Variants in MTPN observed in about 807,000 individuals in gnomAD.
MTPN encodes the protein myotrophin, also known as granule cell differentiation protein.
Under a neutral mutation model 13.5 loss-of-function variants are expected in MTPN, and 2 were observed. That is an observed-to-expected ratio of 0.15 (90% CI 0.06 to 0.47). MTPN has a LOEUF of 0.47. MTPN is among the 20% of genes least tolerant of loss of function. The pLI is 0.97. For synonymous variants in MTPN, 46 were observed against 51.7 expected, an observed-to-expected ratio of 0.89 and a Z score of 0.48; for missense variants, 79 against 137.9, an observed-to-expected ratio of 0.57 and a Z score of 2.14.
At chr7:135,956,249 G>GC (rs1478091914) in intron 1 of MTPN, among the ~76,000 whole-genome samples, 5 of 152,142 alleles carry the variant, frequency 3.3e-5, no homozygotes, top group Non-Finnish European at 7.4e-5. Context: ...TTTCTTCCCT[G>GC]CCTCCGGCCT....
intron 1 of MTPN, among the ~76,000 whole-genome samples, chr7:135,958,486 C>T (rs1799477030): frequency 6.6e-6 from 1 of 152,120 alleles, no homozygotes; most frequent in Non-Finnish European, 1.5e-5. Flanking sequence ...TCTAATTCAG[C>T]CACCCATTCT....
At chr7:135,963,658 C>T (rs188353225) in intron 1 of MTPN, among the ~76,000 whole-genome samples, 7 of 152,070 alleles carry the variant, frequency 4.6e-5, no homozygotes, top group Non-Finnish European at 8.8e-5. Context: ...CTCTTGCTGA[C>T]GTCATCCTCC....
At chr7:135,972,254 C>G (rs961800544) in intron 1 of MTPN, among the ~76,000 whole-genome samples, 3 of 128,310 alleles carry the variant, frequency 2.3e-5, no homozygotes, top group Non-Finnish European at 3.6e-5. Flanking sequence ...CACACACACA[C>G]ACACACCCCA....
chr7:135,955,283 G>A (rs1003330767), intron 1 of MTPN, among the ~76,000 whole-genome samples: 6 of 152,010 alleles, frequency 3.9e-5, no homozygotes, highest in Non-Finnish European at 7.4e-5. Context: ...CAAGAGAAAA[G>A]AATAAAGATC....
At chr7:135,970,922 A>G (rs953275993) in intron 1 of MTPN, among the ~76,000 whole-genome samples, 1 of 152,208 alleles carries the variant, frequency 6.6e-6, no homozygotes, top group Non-Finnish European at 1.5e-5. Context: ...ATACATTTTT[A>G]TAAGAAAGAA....
chr7:135,957,289 G>A (rs1799456325), intron 1 of MTPN, among the ~76,000 whole-genome samples: 1 of 152,252 alleles, frequency 6.6e-6, no homozygotes, highest in South Asian at 2.1e-4. Context: ...AACCACCATA[G>A]AAACCATAAC....
At chr7:135,934,265 C>G (rs1799078518) in intron 3 of MTPN, among the ~76,000 whole-genome samples, 1 of 152,124 alleles carries the variant, frequency 6.6e-6, no homozygotes, top group Admixed American at 6.5e-5. Flanking sequence ...GTGCCAAGCA[C>G]ATAGGTTGGC....
intron 3 of MTPN, among the ~76,000 whole-genome samples, chr7:135,948,983 T>C (rs547374016): frequency 1.0e-3 from 157 of 152,172 alleles, no homozygotes; most frequent in Non-Finnish European, 1.8e-3. Context: ...TTTTGAGAGC[T>C]AGCAGATAGG....
chr7:135,969,607 T>C (rs1009276057), intron 1 of MTPN, among the ~76,000 whole-genome samples: 1 of 152,102 alleles, frequency 6.6e-6, no homozygotes, highest in Admixed American at 6.5e-5. Flanking sequence ...AAAAATGAAG[T>C]TCCAGAAGAG....
intron 3 of MTPN, among the ~76,000 whole-genome samples, chr7:135,942,217 T>A (rs1799225729): frequency 6.6e-6 from 1 of 152,054 alleles, no homozygotes; most frequent in African/African-American, 2.4e-5. Context: ...AGGTGGTACA[T>A]CCTAAGTTTC....
intron 1 of MTPN, among the ~76,000 whole-genome samples, chr7:135,961,290 T>C (rs1799517996): frequency 6.7e-6 from 1 of 150,090 alleles, no homozygotes; most frequent in Non-Finnish European, 1.5e-5. Context: ...AAGAACTCAC[T>C]GTATTGTAGG....
At chr7:135,946,832 C>A (rs1799295230) in intron 3 of MTPN, among the ~76,000 whole-genome samples, 1 of 152,190 alleles carries the variant, frequency 6.6e-6, no homozygotes. Flanking sequence ...CTTGGCCTCT[C>A]CACAGACTGC....
rs984377257 is a variant in MTPN, at chr7:135,929,200, T to C, written c.*726A>G. 1.2e-5 allele frequency: 2 copies of C among 167,040 alleles called. No homozygotes were observed. The highest frequency in any genetic ancestry group is 2.1e-4 in the South Asian group (1 of 4,830). 10.3% of individuals were successfully genotyped at this position (167,040 alleles called of 1,614,324 possible). On this transcript the variant is annotated 3_prime_UTR_variant, in exon 4 of 4. Coordinates refer to ENST00000393085, the MANE Select transcript of MTPN (RefSeq NM_145808.4). ...CTAGAGGAGAAAAAAATATGCATAC[T>C]GGAATGGTTTCTCCTTTAGACTTCC...
chr7:135,954,209 A>T (rs765605036), intron 1 of MTPN, among the ~76,000 whole-genome samples: 1 of 152,252 alleles, frequency 6.6e-6, no homozygotes, highest in Non-Finnish European at 1.5e-5. Context: ...CACATTGTTT[A>T]ACAAATGTTT....
intron 3 of MTPN, among the ~76,000 whole-genome samples, chr7:135,939,915 G>A (rs750933619): frequency 6.6e-6 from 1 of 152,046 alleles, no homozygotes. Flanking sequence ...ATTCACATCT[G>A]GGTCATAGTA....
Position 135,928,000 on chromosome 7 carries a change from A to G in MTPN, c.*1926T>C. 3.7e-6 allele frequency: 1 copy of G among 270,472 alleles called. No individual in the cohort carries two copies. 16.8% of individuals were successfully genotyped at this position (270,472 alleles called of 1,614,324 possible). A position where few individuals can be genotyped will look rare whatever the true frequency, so the allele number is the denominator to read the frequency against. On this transcript the variant is annotated 3_prime_UTR_variant, in exon 4 of 4. Transcript: ENST00000393085. ...AGCATTATGTCAAGAGGTGAAAACA[A>G]AGGTATCAAAACACCCTGTTGCACT...
At chr7:135,937,631 A>T (rs1182111099) in intron 3 of MTPN, among the ~76,000 whole-genome samples, 1 of 152,222 alleles carries the variant, frequency 6.6e-6, no homozygotes, top group Non-Finnish European at 1.5e-5. Flanking sequence ...CTATATAAAT[A>T]CACTTGACCC....
chr7:135,936,241 T>A (rs1489201321), intron 3 of MTPN, among the ~76,000 whole-genome samples: 3 of 152,142 alleles, frequency 2.0e-5, no homozygotes, highest in African/African-American at 7.2e-5. Context: ...TGTCAACACT[T>A]TGGGAGGCCA....
At chr7:135,957,189 AATGTATATACAT>A (rs1290690841) in intron 1 of MTPN, among the ~76,000 whole-genome samples, 1 of 152,356 alleles carries the variant, frequency 6.6e-6, no homozygotes, top group East Asian at 1.9e-4. Context: ...TAACATATAT[AATGTATATACAT>A]AACATACATA....
Sources: allele counts gnomAD v4.1 joint callset (sites outside exome capture counted in the v4.1 genomes callset), GRCh38; gene constraint gnomAD v4.1.1; transcripts MANE v1.5; gene names NCBI Gene and HGNC (gene_info 2026-07-23, HGNC 2026-07-21).